Variants in SDK1 observed in about 807,000 individuals in gnomAD.
SDK1 encodes the protein protein sidekick-1.
In SDK1, 157 loss-of-function variants were observed where a neutral mutation model predicts 245.5. The observed-to-expected ratio is 0.64, with a 90% CI of 0.56 to 0.73. The LOEUF (loss-of-function observed/expected upper bound fraction) is 0.73, where lower values mean the gene tolerates loss of function less well. Among genes scored for constraint, SDK1 ranks in the 30% least tolerant of loss-of-function variants. SDK1 has a pLI of 0.00. For synonymous variants in SDK1, 1,647 were observed against 1,278.5 expected (o/e 1.29, Z -6.15); for missense variants, 3,583 against 3,002.3 (o/e 1.19, Z -4.52).
chr7:3,884,302 C>T (rs781177685), intron 5 of SDK1, among the ~76,000 whole-genome samples: 3 of 152,130 alleles, frequency 2.0e-5, no homozygotes, highest in Non-Finnish European at 4.4e-5. Flanking sequence ...TCCCACTAGA[C>T]TGAGGCTCAG....
At chr7:3,513,755 C>G (rs1487926888) in intron 1 of SDK1, among the ~76,000 whole-genome samples, 1 of 152,000 alleles carries the variant, frequency 6.6e-6, no homozygotes, top group Non-Finnish European at 1.5e-5. Context: ...AGTGTGGTGC[C>G]CAGCAGGTTT....
At chr7:3,673,206 G>A (rs1012126342) in intron 4 of SDK1, among the ~76,000 whole-genome samples, 1 of 152,104 alleles carries the variant, frequency 6.6e-6, no homozygotes, top group Non-Finnish European at 1.5e-5. Flanking sequence ...CTACAGACAG[G>A]ATATTGACTA....
At chr7:3,683,325 T>G (rs968087132) in intron 4 of SDK1, among the ~76,000 whole-genome samples, 1 of 152,212 alleles carries the variant, frequency 6.6e-6, no homozygotes, top group Non-Finnish European at 1.5e-5. Flanking sequence ...TATTTAAGCC[T>G]TTTATCTTTA....
intron 1 of SDK1, among the ~76,000 whole-genome samples, chr7:3,508,385 G>C (rs1782465798): frequency 6.7e-6 from 1 of 149,172 alleles, no homozygotes. Context: ...GAGTGCAGTG[G>C]TGTGTGATCT....
chr7:3,338,344 T>C (rs769591793), intron 1 of SDK1: 4 of 509,860 alleles, frequency 7.8e-6, no homozygotes, highest in Admixed American at 4.3e-5. Flanking sequence ...GCTGTTGGCA[T>C]TGTAAACAAA....
chr7:3,457,646 A>G (rs1780712515), intron 1 of SDK1, among the ~76,000 whole-genome samples: 1 of 152,158 alleles, frequency 6.6e-6, no homozygotes, highest in Admixed American at 6.5e-5. Flanking sequence ...ATATGGCCAA[A>G]CTTGTTGACT....
intron 2 of SDK1, among the ~76,000 whole-genome samples, chr7:3,632,528 C>T (rs1475004720): frequency 6.6e-6 from 1 of 151,314 alleles, no homozygotes; most frequent in Non-Finnish European, 1.5e-5. Flanking sequence ...ATTTATATTC[C>T]CAAAACCAGT....
intron 1 of SDK1, among the ~76,000 whole-genome samples, chr7:3,563,274 T>C (rs891109160): frequency 5.3e-5 from 8 of 152,264 alleles, no homozygotes; most frequent in African/African-American, 1.9e-4. Flanking sequence ...GTTCAAGTTT[T>C]AGAGTAATTA....
At chr7:3,885,828 G>A (rs1021567151) in intron 5 of SDK1, among the ~76,000 whole-genome samples, 1 of 152,156 alleles carries the variant, frequency 6.6e-6, no homozygotes, top group Non-Finnish European at 1.5e-5. Flanking sequence ...AAGTAACAAT[G>A]GTGATGACAA....
intron 32 of SDK1, among the ~76,000 whole-genome samples, chr7:4,164,314 T>G (rs920002149): frequency 6.6e-6 from 1 of 152,188 alleles, no homozygotes; most frequent in Non-Finnish European, 1.5e-5. Flanking sequence ...GAGGCCCCTC[T>G]GACTCCAGGT....
At chr7:4,182,599 C>T (rs1782662253) in intron 35 of SDK1, among the ~76,000 whole-genome samples, 1 of 152,178 alleles carries the variant, frequency 6.6e-6, no homozygotes, top group Non-Finnish European at 1.5e-5. Flanking sequence ...GAAGGCTAAT[C>T]AGAAGCTCCT....
intron 5 of SDK1, among the ~76,000 whole-genome samples, chr7:3,886,617 C>T (rs1781345574): frequency 6.6e-6 from 1 of 152,200 alleles, no homozygotes; most frequent in African/African-American, 2.4e-5. Flanking sequence ...TTGACCCTGC[C>T]TCAAAAGTTG....
chr7:3,638,923 T>C, intron 2 of SDK1, 81 bp from the exon 3 acceptor site: 2 of 789,662 alleles, frequency 2.5e-6, no homozygotes, highest in East Asian at 5.6e-5. Context: ...CAGTGCTGTT[T>C]GATAAAATAG....
intron 5 of SDK1, among the ~76,000 whole-genome samples, chr7:3,914,543 T>G (rs1779299067): frequency 1.3e-5 from 2 of 152,230 alleles, no homozygotes; most frequent in African/African-American, 4.8e-5. Flanking sequence ...ATGGTCTAAT[T>G]GCTGAAGCTA....
chr7:4,199,658 G>C (rs1185004671), intron 35 of SDK1, among the ~76,000 whole-genome samples: 4 of 152,188 alleles, frequency 2.6e-5, no homozygotes, highest in Non-Finnish European at 4.4e-5. Flanking sequence ...TGTCACAGCA[G>C]AGCAGACTAA....
intron 1 of SDK1, among the ~76,000 whole-genome samples, chr7:3,361,317 T>G (rs984510944): frequency 9.2e-5 from 14 of 152,250 alleles, no homozygotes; most frequent in Non-Finnish European, 2.9e-5. Flanking sequence ...TTTTAAACAC[T>G]TATGGTGAGA....
chr7:3,801,461 G>C (rs1243920641), intron 4 of SDK1, among the ~76,000 whole-genome samples: 1 of 152,130 alleles, frequency 6.6e-6, no homozygotes, highest in Non-Finnish European at 1.5e-5. Context: ...TGCATTCTGA[G>C]TTCTTACGGC....
intron 17 of SDK1, among the ~76,000 whole-genome samples, chr7:4,049,037 G>C (rs983087037): frequency 3.3e-5 from 5 of 152,186 alleles, no homozygotes; most frequent in Non-Finnish European, 7.3e-5. Context: ...TTGAAAAAGA[G>C]ATTAGAGAAA....
intron 4 of SDK1, among the ~76,000 whole-genome samples, chr7:3,644,498 C>G (rs913175954): frequency 6.6e-6 from 1 of 151,520 alleles, no homozygotes. Context: ...TTTGCGGTGG[C>G]TTGTTCCTGT....
Sources: gnomAD v4.1 joint callset for allele counts (sites outside exome capture counted in the v4.1 genomes callset) on GRCh38, gnomAD v4.1.1 for gene constraint, MANE v1.5 for transcripts, NCBI Gene and HGNC (gene_info 2026-07-23, HGNC 2026-07-21) for gene names.